Variants in PLD1 observed in about 807,000 individuals in gnomAD.
PLD1 encodes choline phosphatase 1.
In PLD1, 112 loss-of-function variants were observed where a neutral mutation model predicts 137.1. That is an observed-to-expected ratio of 0.82 (90% confidence interval 0.70 to 0.96). The LOEUF (loss-of-function observed/expected upper bound fraction) is 0.96, where lower values mean the gene tolerates loss of function less well. Ranked by LOEUF, PLD1 falls within the 40% of genes least tolerant of loss-of-function variation. The probability of loss-of-function intolerance (pLI) is 0.00; values close to 1 mark genes in which losing one functional copy is unlikely to be tolerated. For synonymous variants in PLD1, 431 were observed against 454.7 expected (o/e 0.95, Z 0.66); for missense variants, 1,321 against 1,342.0 (o/e 0.98, Z 0.24).
chr3:171,734,878 A>T lies in PLD1; in HGVS notation c.527T>A (p.Phe176Tyr), dbSNP rs1329344756. ...SSENMIREEQ[F>Y]LGRRKQLEDY... Reference sequence around the variant, plus strand: ...GAAGAAACTTACTCTTCTACCAAGGAATTGTTCTTCTCTTATCATGTTTTC... The same window carrying T: ...GAAGAAACTTACTCTTCTACCAAGGTATTGTTCTTCTCTTATCATGTTTTC... Residue 176 changes from phenylalanine (F) to tyrosine (Y), a missense_variant, in exon 5 of 27, where the codon TTC (phenylalanine) becomes TAC (tyrosine). Phe to Tyr is a conservative substitution (Grantham distance 22). Coordinates refer to ENST00000351298, the MANE Select transcript of PLD1 (RefSeq NM_002662.5). 1 of 1,600,892 alleles carries T rather than the reference A, an allele frequency of 6.2e-7. No individual in the cohort carries two copies.
At chr3:171,725,673 C>T (rs1215900412) in intron 7 of PLD1, among the ~76,000 whole-genome samples, 1 of 152,052 alleles carries the variant, frequency 6.6e-6, no homozygotes, top group Non-Finnish European at 1.5e-5. Flanking sequence ...GAGTAGTAAA[C>T]ATTTAACTTT....
chr3:171,669,439 T>C (rs994661536), intron 19 of PLD1, among the ~76,000 whole-genome samples: 3 of 152,218 alleles, frequency 2.0e-5, no homozygotes, highest in African/African-American at 4.8e-5. Context: ...TTTTGCTCTG[T>C]TGCCTAGGCT....
rs765184142 is a variant in PLD1 at position 171,612,435 on chromosome 3, G to A, written c.2729-3C>T. 1 of 1,613,640 alleles carries A rather than the reference G, an allele frequency of 6.2e-7. No homozygotes were observed. Among genetic ancestry groups the A allele is most frequent in the South Asian group, 1.1e-5 (1 of 90,992 alleles). ...GCGGTCATTTATGTTGGCAGAGCCT[G>A]TAAGGAGAAACAGTGAGGCTGAACA... On this transcript the variant is annotated splice_region_variant and splice_polypyrimidine_tract_variant and intron_variant, in intron 24 of 26. Coordinates refer to ENST00000351298, the MANE Select transcript of PLD1 (RefSeq NM_002662.5). This position sits in a 1 kb window ranked among gnomAD's most constrained non-coding sequence, Gnocchi z 4.1.
At chr3:171,689,501 T>C (rs1714930879) in intron 13 of PLD1, among the ~76,000 whole-genome samples, 1 of 151,530 alleles carries the variant, frequency 6.6e-6, no homozygotes, top group African/African-American at 2.4e-5. Context: ...CTTCCTTCCT[T>C]CCTTCCTTCC....
chr3:171,643,095 G>A (rs1735905243), intron 22 of PLD1: 2 of 400,430 alleles, frequency 5.0e-6, no homozygotes, highest in Non-Finnish European at 4.4e-6. Context: ...TTGTTTTGAG[G>A]TAGGTAAATG....
At chr3:171,618,441 T>C (rs1733301482) in intron 24 of PLD1, among the ~76,000 whole-genome samples, 1 of 152,234 alleles carries the variant, frequency 6.6e-6, no homozygotes, top group Non-Finnish European at 1.5e-5. Flanking sequence ...TCAAGGCTTC[T>C]GAAATCTTGG....
At chr3:171,646,469 T>C (rs556500993) in intron 21 of PLD1, among the ~76,000 whole-genome samples, 4 of 152,152 alleles carry the variant, frequency 2.6e-5, no homozygotes, top group South Asian at 2.1e-4. Flanking sequence ...ACAATGAAAT[T>C]TGGAGGCCTG....
intron 1 of PLD1, among the ~76,000 whole-genome samples, chr3:171,797,989 T>C (rs562062713): frequency 5.9e-5 from 9 of 152,284 alleles, no homozygotes; most frequent in South Asian, 2.1e-4. Flanking sequence ...TGTGAAACAA[T>C]AGATAACAGT....
intron 13 of PLD1, among the ~76,000 whole-genome samples, chr3:171,691,647 T>C (rs575660837): frequency 1.3e-5 from 2 of 152,294 alleles, no homozygotes; most frequent in South Asian, 2.1e-4. Flanking sequence ...GGGTACTTGA[T>C]AGAAATTTGG....
intron 21 of PLD1, among the ~76,000 whole-genome samples, chr3:171,649,736 G>C (rs1359614802): frequency 1.3e-5 from 2 of 152,186 alleles, no homozygotes; most frequent in East Asian, 3.8e-4. Context: ...CTACCAAACA[G>C]CATTCTCAGG....
chr3:171,697,170 C>G (rs1183311053), intron 12 of PLD1, among the ~76,000 whole-genome samples: 3 of 148,570 alleles, frequency 2.0e-5, no homozygotes, highest in Non-Finnish European at 3.0e-5. Context: ...TTCAAGTGAT[C>G]TAAACTTTAG....
rs148956609 is a variant in PLD1 at position 171,750,995 on chromosome 3, C to A, written c.-31-12913G>T. ...GAACTGAACCAAGTAGGGACCCCCCCCAAAACAAACCTATTCAAATATGAG... is the reference window on the plus strand; with the variant it reads ...GAACTGAACCAAGTAGGGACCCCCCACAAAACAAACCTATTCAAATATGAG... On this transcript the variant is annotated intron_variant, in intron 1 of 26. Transcript: ENST00000351298. Among the ~76,000 whole-genome samples, 114 of 151,970 alleles carry A rather than the reference C, an allele frequency of 7.5e-4. 1 individual carries two copies. The highest frequency in any genetic ancestry group is 6.6e-3 in the Admixed American group (101 of 15,260).
chr3:171,714,392 CAGTGAATGCAAATGGTAACTT>C (rs1717515106), intron 8 of PLD1, among the ~76,000 whole-genome samples: 1 of 152,202 alleles, frequency 6.6e-6, no homozygotes, highest in Admixed American at 6.5e-5. Flanking sequence ...GATCCATTTA[CAGTGAATGCAAATGGTAACTT>C]CATCAGGCTG....
intron 19 of PLD1, among the ~76,000 whole-genome samples, chr3:171,667,778 T>TG (rs1712297130): frequency 6.6e-6 from 1 of 152,208 alleles, no homozygotes; most frequent in African/African-American, 2.4e-5. Flanking sequence ...GGTTTTGAGA[T>TG]GGAGTCTCTG....
At chr3:171,616,803 G>A (rs754040294) in intron 24 of PLD1, among the ~76,000 whole-genome samples, 1 of 152,170 alleles carries the variant, frequency 6.6e-6, no homozygotes, top group East Asian at 1.9e-4. Context: ...CTAACCTACT[G>A]AAGTGTCAGA....
intron 1 of PLD1, among the ~76,000 whole-genome samples, chr3:171,746,909 G>A (rs1055697701): frequency 2.0e-5 from 3 of 152,202 alleles, no homozygotes; most frequent in African/African-American, 4.8e-5. Flanking sequence ...TTTGCTCTTT[G>A]CAATAAATCT....
At chr3:171,642,484 C>T (rs1417361217) in intron 23 of PLD1, among the ~76,000 whole-genome samples, 1 of 131,126 alleles carries the variant, frequency 7.6e-6, no homozygotes, top group East Asian at 2.1e-4. Flanking sequence ...AAAAAAAAGA[C>T]GTCTGCGAAA....
chr3:171,710,793 C>T (rs750283778), intron 9 of PLD1, among the ~76,000 whole-genome samples: 17 of 151,946 alleles, frequency 1.1e-4, no homozygotes, highest in Non-Finnish European at 1.8e-4. Flanking sequence ...TGGCATATTC[C>T]ATCTTTCTGG....
intron 9 of PLD1, among the ~76,000 whole-genome samples, chr3:171,711,471 G>A (rs1438025912): frequency 6.6e-6 from 1 of 151,902 alleles, no homozygotes; most frequent in Non-Finnish European, 1.5e-5. Flanking sequence ...ACCTGGCCAG[G>A]AAAACTGTTC....
Sources: gnomAD v4.1 joint callset for allele counts (sites outside exome capture counted in the v4.1 genomes callset) on GRCh38, gnomAD v4.1.1 for gene constraint, Gnocchi (gnomAD v3.1) non-coding constraint, MANE v1.5 for transcripts, NCBI Gene and HGNC (gene_info 2026-07-23, HGNC 2026-07-21) for gene names.